The following CLCN5 variants were observed in gnomAD, a reference collection of about 807,000 sequenced individuals.
The protein encoded by CLCN5 is Cl-/H+ antiporter 5.
Under a neutral mutation model 54.0 loss-of-function variants are expected in CLCN5, and 17 were observed. The observed-to-expected ratio is 0.31, with a 90% CI of 0.22 to 0.47. CLCN5 has a LOEUF of 0.47. CLCN5 is among the 20% of genes least tolerant of loss of function. CLCN5 has a pLI of 1.00. For missense variants in CLCN5, 448 were observed against 646.7 expected, an observed-to-expected ratio of 0.69 and a Z score of 3.33; for synonymous variants, 222 against 233.0, an observed-to-expected ratio of 0.95 and a Z score of 0.43.
At chrX:50,027,256 C>T (rs1037218799) in intron 3 of CLCN5, among the ~76,000 whole-genome samples, 16 of 110,798 alleles carry the variant, frequency 1.4e-4, no homozygotes, top group Admixed American at 2.9e-4. Context: ...CCTCGTGATC[C>T]GCCCACCTAG....
intron 3 of CLCN5, among the ~76,000 whole-genome samples, chrX:49,940,854 C>A (rs1557170754): frequency 9.0e-6 from 1 of 111,114 alleles, no homozygotes; most frequent in African/African-American, 3.3e-5. Context: ...ATTCTGGGAG[C>A]TATGGTCCTA....
At chrX:50,007,919 A>G (rs1237118057) in intron 3 of CLCN5, among the ~76,000 whole-genome samples, 1 of 111,925 alleles carries the variant, frequency 8.9e-6, no homozygotes, top group African/African-American at 3.3e-5. Context: ...ATTTGAACCA[A>G]GGTTCGTAGA....
At chrX:49,959,681 A>G (rs1557174322) in intron 3 of CLCN5, among the ~76,000 whole-genome samples, 1 of 111,247 alleles carries the variant, frequency 9.0e-6, no homozygotes, top group Non-Finnish European at 1.9e-5. Context: ...ATCAGTTATT[A>G]TGTCTATTCC....
At chrX:50,091,186 A>G (rs1240525616) in intron 14 of CLCN5, among the ~76,000 whole-genome samples, 4 of 112,164 alleles carry the variant, frequency 3.6e-5, no homozygotes, top group Non-Finnish European at 7.5e-5. Flanking sequence ...AAATTACAGT[A>G]GCATCAGGTA....
At chrX:50,017,393 A>T (rs1219122967) in intron 3 of CLCN5, among the ~76,000 whole-genome samples, 2 of 112,213 alleles carry the variant, frequency 1.8e-5, no homozygotes, top group African/African-American at 3.2e-5. Context: ...CCTTTCTAAG[A>T]TATGTCTTTT....
rs7063765 is a variant in CLCN5 at position 50,088,684 on chromosome X, G to C, written c.1558-14G>C. On this transcript the variant is annotated splice_polypyrimidine_tract_variant and intron_variant, in intron 11 of 14. Transcript: ENST00000376091. ...ATCATTTCTCACTAACCATCTATTGGTTTCTCTTTGCAGATCCCTTCTGGC... is the reference window on the plus strand; with the variant it reads ...ATCATTTCTCACTAACCATCTATTGCTTTCTCTTTGCAGATCCCTTCTGGC... 0.029 allele frequency: 34,837 copies of C among 1,204,768 alleles called. 6,394 individuals carry two copies. The African/African-American group carries it at 0.54, about 19-fold the overall frequency.
At chrX:50,026,279 A>G (rs1367020497) in intron 3 of CLCN5, among the ~76,000 whole-genome samples, 1 of 111,829 alleles carries the variant, frequency 8.9e-6, no homozygotes, top group Non-Finnish European at 1.9e-5. Flanking sequence ...AGTATGTTTT[A>G]TGGCTCAAAT....
At chrX:49,969,319 C>G (rs1221459515) in intron 3 of CLCN5, among the ~76,000 whole-genome samples, 4 of 112,184 alleles carry the variant, frequency 3.6e-5, no homozygotes, top group African/African-American at 1.3e-4. Flanking sequence ...CGCAGGTGAT[C>G]TGCCTGCCTC....
chrX:50,094,484 T>A lies in CLCN5; in HGVS notation c.*2265T>A, dbSNP rs1239292437. On this transcript the variant is annotated 3_prime_UTR_variant, in exon 15 of 15. Transcript: ENST00000376091. ...AAATGTTACTATTTCTGGTATTTAA[T>A]GACAATGAAAGGTTTGGTCATATTT... 7 of 112,455 alleles carry A rather than the reference T, an allele frequency of 6.2e-5. No individual in the cohort carries two copies. The highest frequency in any genetic ancestry group is 2.3e-4 in the African/African-American group (7 of 30,895). The allele number at this position is 112,455 out of a possible 1,213,427, so 9.3% of individuals were successfully genotyped here.
At chrX:49,941,276 A>C (rs1557170856) in intron 3 of CLCN5, among the ~76,000 whole-genome samples, 3 of 110,962 alleles carry the variant, frequency 2.7e-5, no homozygotes, top group Non-Finnish European at 5.7e-5. Context: ...AGCCCAGATC[A>C]TGCCACTGCA....
chrX:50,088,267 A>G (rs1933962839), intron 11 of CLCN5: 1 of 132,745 alleles, frequency 7.5e-6, no homozygotes, highest in Non-Finnish European at 1.5e-5. Flanking sequence ...GTTATAAAGA[A>G]CCCATGAATC....
In CLCN5 at chrX:50,095,823, A is replaced by G. The variant is rs145926268; in HGVS notation, c.*3604A>G. On this transcript the variant is annotated 3_prime_UTR_variant, in exon 15 of 15. Transcript: ENST00000376091. ...TCCATTATAGAAATTAACCACTGCTATATGTTTTAAGTAGTTCAATCACCT... is the reference window on the plus strand; with the variant it reads ...TCCATTATAGAAATTAACCACTGCTGTATGTTTTAAGTAGTTCAATCACCT... 1 of 112,461 alleles carries G rather than the reference A, an allele frequency of 8.9e-6. No homozygotes were observed. The highest frequency in any genetic ancestry group is 1.9e-5 in the Non-Finnish European group (1 of 53,319). 9.3% of individuals were successfully genotyped at this position (112,461 alleles called of 1,213,427 possible). A position where few individuals can be genotyped will look rare whatever the true frequency, so the allele number is the denominator to read the frequency against.
chrX:49,979,245 T>C (rs782551546), intron 3 of CLCN5, among the ~76,000 whole-genome samples: 2 of 111,548 alleles, frequency 1.8e-5, no homozygotes, highest in Non-Finnish European at 3.8e-5. Flanking sequence ...TTTTCTCCCT[T>C]TATTTTAGTA....
At chrX:50,058,846 A>C (rs1181919542) in intron 4 of CLCN5, among the ~76,000 whole-genome samples, 2 of 110,985 alleles carry the variant, frequency 1.8e-5, no homozygotes, top group African/African-American at 6.6e-5. Context: ...TTTCTTATAG[A>C]GACAAAAATC....
intron 3 of CLCN5, among the ~76,000 whole-genome samples, chrX:50,009,991 C>A (rs1930411925): frequency 9.0e-6 from 1 of 111,136 alleles, no homozygotes; most frequent in Non-Finnish European, 1.9e-5. Context: ...GATATTATAG[C>A]CTGAGAGGAG....
chrX:50,083,812 T>G (rs925335525), intron 9 of CLCN5, among the ~76,000 whole-genome samples: 1 of 112,284 alleles, frequency 8.9e-6, no homozygotes, highest in Admixed American at 9.4e-5. Flanking sequence ...GAAATTTTTT[T>G]AAAAAAATAT....
intron 4 of CLCN5, among the ~76,000 whole-genome samples, chrX:50,046,885 G>C (rs940994023): frequency 9.0e-6 from 1 of 110,947 alleles, no homozygotes; most frequent in Non-Finnish European, 1.9e-5. Flanking sequence ...AGGGGGAACT[G>C]ATAGGACCAA....
chrX:50,003,844 C>T (rs782365543), intron 3 of CLCN5, among the ~76,000 whole-genome samples: 4 of 111,795 alleles, frequency 3.6e-5, no homozygotes, highest in Admixed American at 9.4e-5. Flanking sequence ...TCTGTCTTAG[C>T]GGCACCTAGA....
intron 3 of CLCN5, among the ~76,000 whole-genome samples, chrX:49,971,484 T>C (rs373070293): frequency 1.7e-4 from 19 of 110,197 alleles, no homozygotes; most frequent in Middle Eastern, 9.3e-3. Flanking sequence ...TTAATTATTA[T>C]GTTAGCTCTG....
Sources: gnomAD v4.1 joint callset for allele counts (sites outside exome capture counted in the v4.1 genomes callset) on GRCh38, gnomAD v4.1.1 for gene constraint, MANE v1.5 for transcripts, NCBI Gene and HGNC (gene_info 2026-07-23, HGNC 2026-07-21) for gene names.